The following SAXO1 variants were observed in gnomAD, a reference collection of about 807,000 sequenced individuals.
SAXO1 encodes 4930500O09Rik.
Under a neutral mutation model 17.5 loss-of-function variants are expected in SAXO1, and 21 were observed. That is an observed-to-expected ratio of 1.20 (90% confidence interval 0.85 to 1.72). The LOEUF is 1.72. SAXO1 is among the 40% of genes most tolerant of loss of function. The pLI, the probability that SAXO1 is intolerant of heterozygous loss-of-function variation, is 0.00. For missense variants in SAXO1, 843 were observed against 596.0 expected (o/e 1.41, Z -4.32); for synonymous variants, 274 against 216.5 (o/e 1.27, Z -2.33).
At chr9:18,930,679 A>T (rs1001867159) in intron 3 of SAXO1, among the ~76,000 whole-genome samples, 6 of 152,140 alleles carry the variant, frequency 3.9e-5, no homozygotes, top group African/African-American at 1.4e-4. Context: ...TTGTATTTTT[A>T]GTAGAGACGG....
intron 1 of SAXO1, among the ~76,000 whole-genome samples, chr9:18,985,175 C>A (rs1041726213): frequency 1.3e-5 from 2 of 152,026 alleles, no homozygotes; most frequent in African/African-American, 4.8e-5. Flanking sequence ...AGAACACACA[C>A]ATATTTATCA....
intron 1 of SAXO1, among the ~76,000 whole-genome samples, chr9:19,013,540 A>ATTTTTTTTTTTTTTTTTTTTTTTTTTT (rs1219136885): frequency 2.1e-5 from 2 of 93,204 alleles, no homozygotes; most frequent in African/African-American, 4.3e-5. Context: ...AAAAGTACGG[A>ATTTTTTTTTTTTTTTTTTTTTTTTTTT]TTTTTTTTTT....
chr9:18,928,549 G>A lies in SAXO1; in HGVS notation c.928C>T (p.His310Tyr). ...RMDLLTTVQA[H>Y]YTCPKGAPAQ... The stretch of plus-strand genomic sequence containing the variant: ...GGGGCACCCTTAGGGCATGTGTAAT[G>A]GGCCTGCACTGTTGTCAGAAGATCC... Residue 310 changes from histidine (H) to tyrosine (Y), a missense_variant, in exon 4 of 4, where the codon CAT becomes TAT. Transcript: ENST00000380534. 6.2e-7 allele frequency: 1 copy of A among 1,614,090 alleles called. No homozygotes were observed. Among genetic ancestry groups the A allele is most frequent in the Non-Finnish European group, 8.5e-7 (1 of 1,179,992 alleles).
intron 1 of SAXO1, among the ~76,000 whole-genome samples, chr9:18,991,783 C>A (rs192796799): frequency 6.6e-6 from 1 of 152,150 alleles, no homozygotes; most frequent in Admixed American, 6.5e-5. Context: ...AAACCATCTC[C>A]TACCCCCACC....
intron 3 of SAXO1, among the ~76,000 whole-genome samples, chr9:18,936,119 T>C (rs1168955080): frequency 6.6e-6 from 1 of 152,156 alleles, no homozygotes; most frequent in East Asian, 1.9e-4. Context: ...GGGAAGAGGA[T>C]TTGCCAAGCT....
chr9:19,000,745 C>T (rs146225496), intron 1 of SAXO1, among the ~76,000 whole-genome samples: 283 of 152,210 alleles, frequency 1.9e-3, no homozygotes, highest in African/African-American at 6.5e-3. Flanking sequence ...GGAGGAAGAT[C>T]TACCAAGCAA....
chr9:18,971,313 C>T (rs1372848822), intron 1 of SAXO1, among the ~76,000 whole-genome samples: 1 of 152,146 alleles, frequency 6.6e-6, no homozygotes, highest in Non-Finnish European at 1.5e-5. Context: ...CTCAATTCTC[C>T]AAACTTTCAG....
chr9:18,938,650 A>C (rs1588408896), intron 3 of SAXO1, among the ~76,000 whole-genome samples: 1 of 152,172 alleles, frequency 6.6e-6, no homozygotes, highest in Non-Finnish European at 1.5e-5. Context: ...AGAGACCCAA[A>C]CCCTGTCAGC....
intron 1 of SAXO1, among the ~76,000 whole-genome samples, chr9:18,974,512 C>G (rs1332997069): frequency 6.6e-6 from 1 of 152,136 alleles, no homozygotes; most frequent in African/African-American, 2.4e-5. Flanking sequence ...TAGAGAAATA[C>G]AAGGTAAGCC....
chr9:18,996,644 T>C (rs7864376), intron 1 of SAXO1, among the ~76,000 whole-genome samples: 79,459 of 151,968 alleles, frequency 0.52, 22,121 homozygotes, highest in Non-Finnish European at 0.63. Context: ...TTCAACATCC[T>C]TTCTCGACAA....
At chr9:18,994,180 A>G (rs547518032) in intron 1 of SAXO1, among the ~76,000 whole-genome samples, 3 of 152,338 alleles carry the variant, frequency 2.0e-5, no homozygotes, top group Admixed American at 1.3e-4. Flanking sequence ...ATGTTTAAAA[A>G]ATGGAAGTGA....
At chr9:18,945,873 T>C (rs1313377017) in intron 2 of SAXO1, among the ~76,000 whole-genome samples, 1 of 152,210 alleles carries the variant, frequency 6.6e-6, no homozygotes, top group African/African-American at 2.4e-5. Context: ...TAATTTTCCA[T>C]TAACTATTTA....
chr9:18,941,459 A>T (rs77144197), intron 3 of SAXO1, among the ~76,000 whole-genome samples, 178 bp downstream of exon 3: 1 of 152,152 alleles, frequency 6.6e-6, no homozygotes, highest in African/African-American at 2.4e-5. Flanking sequence ...TTAAAAAAAA[A>T]TGCTTAACTC....
chr9:19,048,853 G>T (rs1393743294), intron 1 of SAXO1, among the ~76,000 whole-genome samples: 5 of 152,170 alleles, frequency 3.3e-5, no homozygotes, highest in Admixed American at 3.3e-4. Flanking sequence ...CTGAGATTAC[G>T]GAAAAGCAGA....
rs200406952 is a variant in SAXO1 at position 19,045,912 on chromosome 9, A to AC, written c.-158+3296dup. On this transcript the variant is annotated intron_variant, in intron 1 of 3. Coordinates refer to the SAXO1 transcript ENST00000542071. The stretch of plus-strand genomic sequence containing the variant: ...CGCGGTGGCTCACCAACATGGAGAA[A>AC]CCCCGTATCTACTAAAAATACAAAA... Among the ~76,000 whole-genome samples the AC allele has an allele frequency of 6.9e-3, 1,050 of 152,112 alleles. 10 individuals carry two copies. Among genetic ancestry groups the AC allele is most frequent in the African/African-American group, 0.024 (1,007 of 41,490 alleles).
At chr9:18,994,350 T>C (rs1450411816) in intron 1 of SAXO1, among the ~76,000 whole-genome samples, 2 of 152,246 alleles carry the variant, frequency 1.3e-5, no homozygotes, top group Admixed American at 6.5e-5. Context: ...GTTACTGTTT[T>C]CTTAGGATCT....
At chr9:18,942,372 A>C (rs78725685) in intron 2 of SAXO1, among the ~76,000 whole-genome samples, 5,077 of 152,040 alleles carry the variant, frequency 0.033, 287 homozygotes, top group African/African-American at 0.11. Context: ...CCCACCTGAA[A>C]ACCCTGCACT....
chr9:18,934,402 T>C (rs935380103), intron 3 of SAXO1, among the ~76,000 whole-genome samples: 10 of 152,204 alleles, frequency 6.6e-5, no homozygotes, highest in African/African-American at 2.4e-4. Context: ...TCTATTGAAC[T>C]ATCCACATTT....
At chr9:18,937,298 G>A (rs1023000578) in intron 3 of SAXO1, among the ~76,000 whole-genome samples, 1 of 152,152 alleles carries the variant, frequency 6.6e-6, no homozygotes, top group Non-Finnish European at 1.5e-5. Context: ...GCCTGGGTGG[G>A]GATTTGTGTA....
Sources: gnomAD v4.1 joint callset for allele counts (sites outside exome capture counted in the v4.1 genomes callset) on GRCh38, gnomAD v4.1.1 for gene constraint, MANE v1.5 for transcripts, NCBI Gene and HGNC (gene_info 2026-07-23, HGNC 2026-07-21) for gene names.